EPHA5: variants seen among roughly 807,000 people sequenced by gnomAD.
EPHA5 encodes the protein EPH receptor A5, also known as ephrin type-A receptor 5.
EPHA5 carries 60 observed loss-of-function variants against 105.0 expected under a neutral mutation model. The observed-to-expected ratio is 0.57, with a 90% CI of 0.46 to 0.71. The LOEUF (loss-of-function observed/expected upper bound fraction) is 0.71. Among genes scored for constraint, EPHA5 ranks in the 30% least tolerant of loss-of-function variants. The pLI is 0.00. For missense variants in EPHA5, 1,218 were observed against 1,274.7 expected (o/e 0.96, Z 0.68); for synonymous variants, 513 against 449.1 (o/e 1.14, Z -1.80).
chr4:65,631,779 T>A (rs2149492419), intron 2 of EPHA5, among the ~76,000 whole-genome samples: 1 of 151,868 alleles, frequency 6.6e-6, no homozygotes, highest in Admixed American at 6.6e-5. Flanking sequence ...GACTATATTA[T>A]GGATAAAGGT....
At chr4:65,620,097 T>C (rs1020055632) in intron 2 of EPHA5, among the ~76,000 whole-genome samples, 1 of 128,590 alleles carries the variant, frequency 7.8e-6, no homozygotes, top group Non-Finnish European at 1.7e-5. Context: ...CTACAGAATA[T>C]TTGGACTCAG....
chr4:65,494,690 A>T (rs1578249236), intron 4 of EPHA5, among the ~76,000 whole-genome samples: 1 of 152,216 alleles, frequency 6.6e-6, no homozygotes, highest in African/African-American at 2.4e-5. Context: ...ACTTATGATC[A>T]GCAAATATAT....
chr4:65,638,900 T>C (rs10001292), intron 2 of EPHA5, among the ~76,000 whole-genome samples: 42,171 of 152,134 alleles, frequency 0.28, 6,289 homozygotes, highest in Non-Finnish European at 0.33. Context: ...TTAAGGCCAC[T>C]TACTGATTCA....
rs1158129685 is a variant in EPHA5, at chr4:65,495,402, G to C, written c.1052C>G (p.Thr351Arg). 1 of 1,613,256 alleles carries C rather than the reference G, an allele frequency of 6.2e-7. No homozygotes were observed. The highest frequency in any genetic ancestry group is 8.5e-7 in the Non-Finnish European group (1 of 1,179,636). The change falls in exon 4 of 17, where the codon ACA becomes AGA. Residue 351 changes from threonine to arginine, a missense_variant. This residue lies in a region of EPHA5 where 971 missense variants were observed against 1,013.5 expected (regional missense o/e 0.96). Coordinates refer to ENST00000613740, the MANE Select transcript of EPHA5 (RefSeq NM_001281766.3). ...DYFRRESDPP[T>R]MACTRPPSAP... ...GGTTTCCTTACTTGTGCATGCCATT[G>C]TGGGTGGATCAGACTCTCTCCTGAA...
intron 3 of EPHA5, among the ~76,000 whole-genome samples, chr4:65,517,535 T>G (rs1048110619): frequency 1.3e-5 from 2 of 151,908 alleles, no homozygotes; most frequent in Non-Finnish European, 2.9e-5. Context: ...ATTATTGATA[T>G]AGTTGGATTT....
intron 16 of EPHA5, among the ~76,000 whole-genome samples, chr4:65,329,082 C>T (rs1720355302): frequency 1.3e-5 from 2 of 151,252 alleles, no homozygotes; most frequent in Non-Finnish European, 3.0e-5. Context: ...TAAAAAGTAG[C>T]TGTGATTCTG....
chr4:65,436,265 T>TA (rs1000543945), intron 5 of EPHA5, among the ~76,000 whole-genome samples: 1 of 151,970 alleles, frequency 6.6e-6, no homozygotes, highest in African/African-American at 2.4e-5. Flanking sequence ...TTTGTATTCT[T>TA]AAGACAGTAT....
intron 8 of EPHA5, among the ~76,000 whole-genome samples, chr4:65,370,889 A>C (rs1309061640): frequency 6.6e-6 from 1 of 152,092 alleles, no homozygotes; most frequent in Non-Finnish European, 1.5e-5. Context: ...AACAAGAAAC[A>C]GCAAGTAAAA....
chr4:65,486,795 A>T (rs763179780), intron 5 of EPHA5, among the ~76,000 whole-genome samples: 1 of 152,232 alleles, frequency 6.6e-6, no homozygotes, highest in East Asian at 1.9e-4. Flanking sequence ...CTTTGCAGAG[A>T]TTATAACAGT....
At chr4:65,608,034 G>C (rs1327234511) in intron 2 of EPHA5, among the ~76,000 whole-genome samples, 8 of 152,138 alleles carry the variant, frequency 5.3e-5, no homozygotes, top group Non-Finnish European at 1.2e-4. Context: ...CCTTTTCAGG[G>C]ACGTGGATGA....
Position 65,498,998 on chromosome 4 carries a change from T to C in EPHA5, c.911-3455A>G, listed in dbSNP as rs376437232. On this transcript the variant is annotated intron_variant, in intron 3 of 16. Coordinates refer to ENST00000613740, the MANE Select transcript of EPHA5 (RefSeq NM_001281766.3). ...AACAGGATTTTCTTGTAGCATCGCCTCTTATTCAAACTCATATTATTCCCT... is the reference window on the plus strand; with the variant it reads ...AACAGGATTTTCTTGTAGCATCGCCCCTTATTCAAACTCATATTATTCCCT... Among the ~76,000 whole-genome samples, 147 of 142,026 alleles carry C rather than the reference T, an allele frequency of 1.0e-3. 3 individuals carry two copies. Among genetic ancestry groups the C allele is most frequent in the African/African-American group, 3.6e-3 (134 of 36,962 alleles). The allele number at this position is 142,026 out of a possible 152,430, so 93.2% of individuals were successfully genotyped here. A position where few individuals can be genotyped will look rare whatever the true frequency, so the allele number is the denominator to read the frequency against.
chr4:65,607,868 A>C (rs1214180871), intron 2 of EPHA5, among the ~76,000 whole-genome samples: 3 of 152,184 alleles, frequency 2.0e-5, no homozygotes, highest in African/African-American at 4.8e-5. Flanking sequence ...TTCTATTATA[A>C]AGACACATGC....
intron 3 of EPHA5, chr4:65,574,381 T>A (rs949205309): frequency 1.5e-5 from 12 of 815,834 alleles, no homozygotes; most frequent in African/African-American, 5.5e-5. Flanking sequence ...ATAATAATAA[T>A]AAAAAATAAA....
chr4:65,369,889 T>C (rs6551914), intron 8 of EPHA5, among the ~76,000 whole-genome samples: 135,084 of 152,060 alleles, frequency 0.89, 60,236 homozygotes, highest in East Asian at 0.97. Context: ...ATCGCTTGAA[T>C]CCAGGAGCCG....
chr4:65,467,178 T>C (rs964027913), intron 5 of EPHA5, among the ~76,000 whole-genome samples: 1 of 152,062 alleles, frequency 6.6e-6, no homozygotes, highest in African/African-American at 2.4e-5. Flanking sequence ...CTCAGCAGAA[T>C]GAGCAAGGAA....
chr4:65,428,302 A>G (rs1384723289), intron 5 of EPHA5, among the ~76,000 whole-genome samples: 4 of 152,144 alleles, frequency 2.6e-5, no homozygotes, highest in Non-Finnish European at 1.5e-5. Flanking sequence ...TTTATAATAC[A>G]TAACATAAAT....
intron 2 of EPHA5, among the ~76,000 whole-genome samples, chr4:65,627,837 T>A (rs1373818088): frequency 1.3e-5 from 2 of 152,300 alleles, no homozygotes; most frequent in Non-Finnish European, 2.9e-5. Flanking sequence ...ATAATTCTAG[T>A]GTTAATATCT....
intron 5 of EPHA5, among the ~76,000 whole-genome samples, chr4:65,482,125 A>G (rs933311108): frequency 3.9e-5 from 6 of 151,936 alleles, no homozygotes; most frequent in Non-Finnish European, 7.4e-5. Flanking sequence ...CGGGGAAATC[A>G]TGTCTCTATT....
At chr4:65,522,718 G>A (rs1734872657) in intron 3 of EPHA5, among the ~76,000 whole-genome samples, 1 of 151,956 alleles carries the variant, frequency 6.6e-6, no homozygotes, top group African/African-American at 2.4e-5. Flanking sequence ...ATTTATAGCT[G>A]TTCATATCAC....
Sources: allele counts gnomAD v4.1 joint callset (sites outside exome capture counted in the v4.1 genomes callset), GRCh38; gene constraint gnomAD v4.1.1; regional missense constraint gnomAD v4.1.1; transcripts MANE v1.5; gene names NCBI Gene and HGNC (gene_info 2026-07-23, HGNC 2026-07-21).